CNTNAP5: variants seen among roughly 807,000 people sequenced by gnomAD.
The protein encoded by CNTNAP5 is contactin associated protein family member 5.
Under a neutral mutation model 150.2 loss-of-function variants are expected in CNTNAP5, and 72 were observed. That is an observed-to-expected ratio of 0.48 (90% CI 0.40 to 0.58). The LOEUF is 0.58. Ranked by LOEUF, CNTNAP5 falls within the 20% of genes least tolerant of loss-of-function variation. CNTNAP5 has a pLI of 0.00. For synonymous variants in CNTNAP5, 672 were observed against 619.8 expected (o/e 1.08, Z -1.25); for missense variants, 1,636 against 1,626.2 (o/e 1.01, Z -0.10).
At chr2:124,694,443 A>G (rs1012906721) in intron 13 of CNTNAP5, among the ~76,000 whole-genome samples, 3 of 152,154 alleles carry the variant, frequency 2.0e-5, no homozygotes, top group African/African-American at 4.8e-5. Flanking sequence ...ATAGTGAAAT[A>G]TCAGGTGCTT....
At position 124,105,260 on chromosome 2, in the gene CNTNAP5, A is replaced by G. The variant is rs1485206824; in HGVS notation, c.82+79528A>G. The stretch of plus-strand genomic sequence containing the variant: ...CAATCTTCCACTAATAGACATTTAG[A>G]CTGTGACTAATCACTGCCATTAAAA... On this transcript the variant is annotated intron_variant, in intron 1 of 23. Transcript: ENST00000682447. Among the ~76,000 whole-genome samples, 5 of 152,232 alleles carry G rather than the reference A, an allele frequency of 3.3e-5. No homozygotes were observed. In the East Asian group the frequency reaches 9.6e-4, roughly 29 times the overall value.
At chr2:124,748,958 G>T (rs1169924195) in intron 14 of CNTNAP5, among the ~76,000 whole-genome samples, 1 of 152,174 alleles carries the variant, frequency 6.6e-6, no homozygotes, top group East Asian at 1.9e-4. Context: ...CATTATTGCG[G>T]ATGCCTACAA....
At chr2:124,048,044 ATTTC>A (rs1005497893) in intron 1 of CNTNAP5, among the ~76,000 whole-genome samples, 17 of 152,114 alleles carry the variant, frequency 1.1e-4, no homozygotes, top group Admixed American at 1.1e-3. Flanking sequence ...TGAAACATTC[ATTTC>A]TTTATTTTAT....
rs544701363 is a variant in CNTNAP5, at chr2:124,295,592, G to T, written c.381+53199G>T. On this transcript the variant is annotated intron_variant, in intron 3 of 23. Transcript: ENST00000682447. ...GATGTTGTTTCTGTGTGATACAAAT[G>T]AGTTTTCATTAATTGACTTAAAAAT... Among the ~76,000 whole-genome samples the T allele has an allele frequency of 5.9e-5, 9 of 152,318 alleles. No homozygotes were observed. In the South Asian group the frequency reaches 1.7e-3, roughly 28 times the overall value.
intron 13 of CNTNAP5, among the ~76,000 whole-genome samples, chr2:124,650,692 C>T (rs760861960): frequency 6.6e-6 from 1 of 152,140 alleles, no homozygotes; most frequent in African/African-American, 2.4e-5. Context: ...CCCTGTGATA[C>T]TCTTTTACAG....
chr2:124,142,265 G>T (rs1684133697), intron 1 of CNTNAP5, among the ~76,000 whole-genome samples: 1 of 109,696 alleles, frequency 9.1e-6, no homozygotes, highest in Non-Finnish European at 1.8e-5. Context: ...CCCAGGAATT[G>T]AACTCAGCTC....
chr2:124,523,963 T>C (rs1178114907), intron 8 of CNTNAP5, among the ~76,000 whole-genome samples: 1 of 81,246 alleles, frequency 1.2e-5, no homozygotes. Context: ...TTTATTTTTG[T>C]TTTTTTTTTT....
chr2:124,163,020 A>C (rs1200289771), intron 1 of CNTNAP5, among the ~76,000 whole-genome samples: 1 of 152,160 alleles, frequency 6.6e-6, no homozygotes, highest in African/African-American at 2.4e-5. Flanking sequence ...GTGACAGTGT[A>C]CTTCCAAAAT....
intron 3 of CNTNAP5, among the ~76,000 whole-genome samples, chr2:124,352,688 ACCTGT>A (rs1260990407): frequency 6.6e-6 from 1 of 152,126 alleles, no homozygotes; most frequent in African/African-American, 2.4e-5. Flanking sequence ...CTGTAGTAAA[ACCTGT>A]GGTTTAATAA....
At chr2:124,157,044 G>A (rs767192583) in intron 1 of CNTNAP5, among the ~76,000 whole-genome samples, 16 of 152,186 alleles carry the variant, frequency 1.1e-4, no homozygotes, top group Non-Finnish European at 2.2e-4. Context: ...TAGTAATAAA[G>A]GATTCTCCCC....
intron 11 of CNTNAP5, among the ~76,000 whole-genome samples, chr2:124,575,410 G>A (rs533876305): frequency 6.6e-6 from 1 of 152,276 alleles, no homozygotes; most frequent in African/African-American, 2.4e-5. Flanking sequence ...ATCTCAGTAA[G>A]TGAGGCCTTT....
chr2:124,222,013 C>G (rs191229682), intron 2 of CNTNAP5, among the ~76,000 whole-genome samples: 1 of 151,954 alleles, frequency 6.6e-6, no homozygotes, highest in African/African-American at 2.4e-5. Context: ...TTGTGTTCAC[C>G]CAAATCACAG....
chr2:124,745,497 A>G (rs1181799550), intron 13 of CNTNAP5, among the ~76,000 whole-genome samples: 1 of 152,160 alleles, frequency 6.6e-6, no homozygotes, highest in African/African-American at 2.4e-5. Context: ...AATGTGCTCC[A>G]TGCTCCAAAT....
chr2:124,166,836 A>C (rs1684818713), intron 1 of CNTNAP5, among the ~76,000 whole-genome samples: 1 of 152,054 alleles, frequency 6.6e-6, no homozygotes, highest in African/African-American at 2.4e-5. Flanking sequence ...CAAGCTACAG[A>C]CTCAATCCTT....
At chr2:124,330,266 T>G (rs1015056716) in intron 3 of CNTNAP5, among the ~76,000 whole-genome samples, 71 of 152,198 alleles carry the variant, frequency 4.7e-4, no homozygotes, top group African/African-American at 1.6e-3. Flanking sequence ...GTCAAAGCCT[T>G]GGTAATATAA....
chr2:124,051,727 A>G (rs944662754), intron 1 of CNTNAP5, among the ~76,000 whole-genome samples: 6 of 152,212 alleles, frequency 3.9e-5, no homozygotes, highest in South Asian at 2.1e-4. Context: ...CAAAATGGCT[A>G]TAGTGGTGTC....
At chr2:124,268,005 C>T (rs1046881545) in intron 3 of CNTNAP5, among the ~76,000 whole-genome samples, 1 of 152,136 alleles carries the variant, frequency 6.6e-6, no homozygotes, top group African/African-American at 2.4e-5. Context: ...ATGTCAGGAT[C>T]CAGCTCAATA....
At chr2:124,426,765 A>G (rs903047498) in intron 4 of CNTNAP5, among the ~76,000 whole-genome samples, 1 of 152,208 alleles carries the variant, frequency 6.6e-6, no homozygotes, top group Non-Finnish European at 1.5e-5. Flanking sequence ...ATATGCCAGC[A>G]TATGCCTCCA....
chr2:124,551,218 G>A (rs1695620790), intron 10 of CNTNAP5, among the ~76,000 whole-genome samples: 1 of 151,954 alleles, frequency 6.6e-6, no homozygotes, highest in Admixed American at 6.6e-5. Context: ...CCATTATCTG[G>A]GGATCATCGC....
Sources: gnomAD v4.1 joint callset for allele counts (sites outside exome capture counted in the v4.1 genomes callset) on GRCh38, gnomAD v4.1.1 for gene constraint, MANE v1.5 for transcripts, NCBI Gene and HGNC (gene_info 2026-07-23, HGNC 2026-07-21) for gene names.